Variants in TMEM132B observed in about 807,000 individuals in gnomAD.
TMEM132B encodes transmembrane protein 132B.
A neutral mutation model predicts 90.8 loss-of-function variants in TMEM132B; 18 were observed. The ratio of observed to expected loss-of-function variants is 0.20; its 90% CI spans 0.14 to 0.29. The LOEUF (loss-of-function observed/expected upper bound fraction) is 0.29, where lower values mean the gene tolerates loss of function less well. TMEM132B is among the 10% of genes least tolerant of loss of function. The pLI is 1.00. For missense variants in TMEM132B, 1,096 were observed against 1,326.8 expected, an observed-to-expected ratio of 0.83 and a Z score of 2.70; for synonymous variants, 504 against 523.3, an observed-to-expected ratio of 0.96 and a Z score of 0.50.
At chr12:125,595,927 G>C (rs1172926635) in intron 5 of TMEM132B, among the ~76,000 whole-genome samples, 1 of 151,058 alleles carries the variant, frequency 6.6e-6, no homozygotes, top group Non-Finnish European at 1.5e-5. Context: ...TACCCTGAGT[G>C]GTTAAGATTA....
intron 1 of TMEM132B, among the ~76,000 whole-genome samples, chr12:125,273,968 C>A (rs1015323878): frequency 6.6e-6 from 1 of 152,166 alleles, no homozygotes; most frequent in African/African-American, 2.4e-5. Context: ...CTGGACTCTC[C>A]TCTACTTTTA....
chr12:125,333,498 A>T (rs953853063), intron 1 of TMEM132B, among the ~76,000 whole-genome samples: 1 of 152,204 alleles, frequency 6.6e-6, no homozygotes, highest in Non-Finnish European at 1.5e-5. Flanking sequence ...TCAACCTGCA[A>T]TTCTGTCTCC....
chr12:125,376,890 GT>G (rs1262411235), intron 2 of TMEM132B, among the ~76,000 whole-genome samples: 2 of 152,244 alleles, frequency 1.3e-5, no homozygotes, highest in African/African-American at 4.8e-5. Context: ...CTGCTCCAGT[GT>G]GGGGAGCAGG....
At chr12:125,248,626 C>T (rs994971652) in intron 1 of TMEM132B, among the ~76,000 whole-genome samples, 2 of 152,224 alleles carry the variant, frequency 1.3e-5, no homozygotes, top group Non-Finnish European at 2.9e-5. Context: ...AGTAATCTAT[C>T]TGTTCCACTT....
intron 4 of TMEM132B, among the ~76,000 whole-genome samples, chr12:125,555,575 GT>G (rs1402706163): frequency 1.9e-5 from 2 of 105,046 alleles, no homozygotes; most frequent in African/African-American, 7.1e-5. Context: ...GGGGTGGGGG[GT>G]GGGGGGAGGG....
chr12:125,269,437 C>A (rs1197915787), intron 1 of TMEM132B, among the ~76,000 whole-genome samples: 3 of 152,300 alleles, frequency 2.0e-5, no homozygotes, highest in African/African-American at 7.2e-5. Flanking sequence ...TCTTGAAGAT[C>A]AGAGAGCTGT....
intron 1 of TMEM132B, among the ~76,000 whole-genome samples, chr12:125,329,112 G>A (rs1320511636): frequency 3.9e-5 from 6 of 152,166 alleles, no homozygotes; most frequent in East Asian, 3.9e-4. Context: ...GTGAGGTTGC[G>A]AGGGTGGGGC....
Position 125,375,233 on chromosome 12 carries a change from A to G in TMEM132B, c.959+24890A>G, listed in dbSNP as rs561846946. 8.5e-5 allele frequency among the ~76,000 whole-genome samples: 13 copies of G among 152,344 alleles called. 1 individual carries two copies. Among genetic ancestry groups the G allele is most frequent in the Admixed American group, 7.8e-4 (12 of 15,298 alleles). On this transcript the variant is annotated intron_variant, in intron 2 of 8. Coordinates refer to ENST00000682704, the MANE Select transcript of TMEM132B (RefSeq NM_001366854.1). ...CTATAAGAAACTCAATCTCAGACTCAGAATCTAACCTGTGATCAAGGTGGA... is the reference window on the plus strand; with the variant it reads ...CTATAAGAAACTCAATCTCAGACTCGGAATCTAACCTGTGATCAAGGTGGA...
chr12:125,431,402 C>A (rs181017543), intron 3 of TMEM132B, among the ~76,000 whole-genome samples: 6 of 152,254 alleles, frequency 3.9e-5, no homozygotes, highest in African/African-American at 1.4e-4. Flanking sequence ...GCTAACTCTA[C>A]TTCGGTGGAA....
intron 2 of TMEM132B, among the ~76,000 whole-genome samples, chr12:125,399,762 A>G (rs557397896): frequency 1.3e-5 from 2 of 152,248 alleles, no homozygotes; most frequent in East Asian, 3.9e-4. Flanking sequence ...ACTCTGTTAT[A>G]TTGGCTGTGG....
At chr12:125,319,986 C>A in intron 1 of TMEM132B, among the ~76,000 whole-genome samples, 1 of 152,038 alleles carries the variant, frequency 6.6e-6, no homozygotes, top group East Asian at 1.9e-4. Context: ...CATTGCACGC[C>A]GGCCTGGGCA....
rs189526636 is a variant in TMEM132B, at chr12:125,643,642, A to G, written c.1438-434A>G. On this transcript the variant is annotated intron_variant, in intron 5 of 8. Transcript: ENST00000682704. ...GCAAAGCTCTCCTGATTTTTCAGAG[A>G]ACCTCAGTATGACTTGAATAATGTG... Among the ~76,000 whole-genome samples the G allele has an allele frequency of 1.1e-4, 16 of 152,334 alleles. No individual in the cohort carries two copies. The East Asian group carries it at 3.1e-3, about 29-fold the overall frequency.
At chr12:125,290,721 C>T (rs1270181254) in intron 1 of TMEM132B, among the ~76,000 whole-genome samples, 1 of 152,136 alleles carries the variant, frequency 6.6e-6, no homozygotes, top group African/African-American at 2.4e-5. Flanking sequence ...GGCATTTAGG[C>T]TGCTTGCTGT....
chr12:125,469,571 A>G (rs1043852897), intron 3 of TMEM132B, among the ~76,000 whole-genome samples: 6 of 152,182 alleles, frequency 3.9e-5, no homozygotes, highest in African/African-American at 1.4e-4. Context: ...GTAGAGGACA[A>G]GATCACATGA....
intron 2 of TMEM132B, among the ~76,000 whole-genome samples, chr12:125,414,593 C>A (rs970321426): frequency 1.3e-5 from 2 of 152,144 alleles, no homozygotes; most frequent in African/African-American, 2.4e-5. Context: ...CCCAGCCCAG[C>A]CTGCACTGAC....
At position 125,406,676 on chromosome 12, in the gene TMEM132B, C is replaced by A. The variant is rs147884169; in HGVS notation, c.960-8855C>A. On this transcript the variant is annotated intron_variant, in intron 2 of 8. Transcript: ENST00000682704. The surrounding 1 kb of genome is among the most constrained non-coding windows in gnomAD (Gnocchi z 8.3). ...ATTGCACGCTTCCTTCTCCAACCCC[C>A]GCCCATGGCAGACAGTGAAAGACTT... is the stretch of plus-strand genomic sequence containing the variant. Among the ~76,000 whole-genome samples, 25 of 152,238 alleles carry A rather than the reference C, an allele frequency of 1.6e-4. 1 individual carries two copies. The South Asian group carries it at 4.6e-3, about 28-fold the overall frequency.
chr12:125,424,386 T>G (rs1038498827), intron 3 of TMEM132B, among the ~76,000 whole-genome samples: 6 of 152,174 alleles, frequency 3.9e-5, no homozygotes, highest in African/African-American at 1.4e-4. Context: ...GGCCTTACCT[T>G]AAAAAAATTA....
intron 5 of TMEM132B, among the ~76,000 whole-genome samples, chr12:125,612,588 A>G (rs1023121619): frequency 1.4e-5 from 2 of 145,936 alleles, no homozygotes; most frequent in African/African-American, 5.0e-5. Context: ...TATATATTAT[A>G]TATATACTTC....
chr12:125,617,328 G>C (rs1886011171), intron 5 of TMEM132B, among the ~76,000 whole-genome samples: 1 of 151,530 alleles, frequency 6.6e-6, no homozygotes, highest in Admixed American at 6.6e-5. Context: ...GACTTTAGTA[G>C]GGCTCTTTCA....
Sources: allele counts gnomAD v4.1 joint callset (sites outside exome capture counted in the v4.1 genomes callset), GRCh38; gene constraint gnomAD v4.1.1; non-coding constraint Gnocchi (gnomAD v3.1); transcripts MANE v1.5; gene names NCBI Gene and HGNC (gene_info 2026-07-23, HGNC 2026-07-21).